Variants in NAA40 observed in about 807,000 individuals in gnomAD.
NAA40 encodes the protein N-alpha-acetyltransferase 40.
Under a neutral mutation model 36.6 loss-of-function variants are expected in NAA40, and 26 were observed. The observed-to-expected ratio is 0.71, with a 90% CI of 0.52 to 0.98. The LOEUF (loss-of-function observed/expected upper bound fraction) is 0.98, where lower values mean the gene tolerates loss of function less well. Among genes scored for constraint, NAA40 ranks in the 50% least tolerant of loss-of-function variants. The probability of loss-of-function intolerance (pLI) is 0.00; values close to 1 mark genes in which losing one functional copy is unlikely to be tolerated. For synonymous variants in NAA40, 129 were observed against 108.4 expected, an observed-to-expected ratio of 1.19 and a Z score of -1.18; for missense variants, 237 against 306.5, an observed-to-expected ratio of 0.77 and a Z score of 1.69.
At chr11:63,944,652 C>T (rs575319101) in intron 1 of NAA40, among the ~76,000 whole-genome samples, 58 of 152,226 alleles carry the variant, frequency 3.8e-4, no homozygotes, top group African/African-American at 1.3e-3. Context: ...CCTGTAATCC[C>T]AGCACTTTGT....
intron 3 of NAA40, 122 bp downstream of exon 3, chr11:63,947,125 G>T: frequency 2.8e-6 from 3 of 1,053,106 alleles, no homozygotes; most frequent in Non-Finnish European, 2.9e-6. Flanking sequence ...GAAAAAACAG[G>T]GCTGGGTGCG....
chr11:63,948,515 G>A (rs1942225107), intron 3 of NAA40, among the ~76,000 whole-genome samples: 1 of 151,474 alleles, frequency 6.6e-6, no homozygotes, highest in Non-Finnish European at 1.5e-5. Flanking sequence ...TCAGGAGATC[G>A]AGACCATCCT....
At chr11:63,951,046 C>T (rs1053688669) in intron 3 of NAA40, among the ~76,000 whole-genome samples, 10 of 152,104 alleles carry the variant, frequency 6.6e-5, no homozygotes, top group African/African-American at 2.2e-4. Flanking sequence ...GTTCTGAATT[C>T]ATAAGGCTGA....
intron 3 of NAA40, among the ~76,000 whole-genome samples, chr11:63,950,055 G>T (rs1382324437): frequency 1.3e-5 from 2 of 150,320 alleles, no homozygotes; most frequent in Non-Finnish European, 3.0e-5. Flanking sequence ...AACTTGGAAG[G>T]TTTTTTTTAA....
At chr11:63,953,891 A>C in intron 6 of NAA40, 81 bp from the exon 7 acceptor site, 1 of 1,270,696 alleles carries the variant, frequency 7.9e-7, no homozygotes, top group South Asian at 1.2e-5. Flanking sequence ...TTGCCCCTCA[A>C]AGTGCTGGGA....
At chr11:63,945,543 G>A (rs1258366661) in intron 1 of NAA40, among the ~76,000 whole-genome samples, 1 of 152,158 alleles carries the variant, frequency 6.6e-6, no homozygotes, top group Admixed American at 6.5e-5. Flanking sequence ...GCCTGCTGGG[G>A]GCTGGCCTGC....
At chr11:63,941,232 T>C (rs1159958239) in intron 1 of NAA40, among the ~76,000 whole-genome samples, 1 of 152,164 alleles carries the variant, frequency 6.6e-6, no homozygotes, top group African/African-American at 2.4e-5. Flanking sequence ...TGGAACCGTC[T>C]CATCACCCTC....
Position 63,952,318 on chromosome 11 carries a change from C to T in NAA40, c.236C>T (p.Thr79Met), listed in dbSNP as rs755598726. The T allele has an allele frequency of 1.1e-5, 18 of 1,613,742 alleles. 1 individual carries two copies. The South Asian group carries it at 1.3e-4, about 12-fold the overall frequency. Residue 79 changes from threonine (T) to methionine (M), a missense_variant, in exon 4 of 8, where the codon ACG (threonine) becomes ATG (methionine). Coordinates refer to ENST00000377793, the MANE Select transcript of NAA40 (RefSeq NM_024771.4). The stretch of plus-strand genomic sequence containing the variant: ...GATTGGGCCTTCGACCTGACCAAAA[C>T]GAATATGCAAACCATGTAAGCTTGT... ...TVDWAFDLTK[T>M]NMQTMYEQSE...
chr11:63,954,653 TCCTAGGAGA>T lies in NAA40; in HGVS notation c.*177_*185del. On this transcript the variant is annotated 3_prime_UTR_variant, in exon 8 of 8. Transcript: ENST00000377793. Reference sequence around the variant, plus strand: ...GAAGTGGTATCAGCTGCTCCTCCTCTCCTAGGAGACCAGAGTGCTAGAAGGGAATGAAAG... The same window carrying T: ...GAAGTGGTATCAGCTGCTCCTCCTCTCCAGAGTGCTAGAAGGGAATGAAAG... The T allele has an allele frequency of 1.7e-6, 1 of 581,788 alleles. No homozygotes were observed. The highest frequency in any genetic ancestry group is 2.7e-6 in the Non-Finnish European group (1 of 368,000). 36.0% of individuals were successfully genotyped at this position (581,788 alleles called of 1,614,324 possible).
intron 1 of NAA40, chr11:63,939,410 T>G: frequency 1.7e-6 from 2 of 1,152,228 alleles, no homozygotes; most frequent in Non-Finnish European, 1.1e-6. Context: ...ACCCTGGGGT[T>G]AGCTTCCCGC....
Position 63,957,129 on chromosome 11 carries a change from A to G in NAA40, c.*2650A>G, listed in dbSNP as rs1942379183. On this transcript the variant is annotated 3_prime_UTR_variant, in exon 8 of 8. Transcript: ENST00000377793. ...ATTTTTGTTGGTGTCAAGTATGTAT[A>G]GGACATGTGAATGGTTCTTTTTAAT... 6.6e-6 allele frequency: 1 copy of G among 151,292 alleles called. No individual in the cohort carries two copies. Among genetic ancestry groups the G allele is most frequent in the South Asian group, 2.1e-4 (1 of 4,820 alleles). 9.4% of individuals were successfully genotyped at this position (151,292 alleles called of 1,614,324 possible).
chr11:63,943,013 C>T (rs1400150086), intron 1 of NAA40, among the ~76,000 whole-genome samples: 1 of 152,146 alleles, frequency 6.6e-6, no homozygotes. Context: ...TTACCCTTGC[C>T]CTCCAGCACC....
chr11:63,947,415 A>G lies in NAA40; in HGVS notation c.155+412A>G, dbSNP rs552457341. Among the ~76,000 whole-genome samples the G allele has an allele frequency of 1.2e-3, 183 of 151,718 alleles. 2 individuals carry two copies. The highest frequency in any genetic ancestry group is 3.1e-4 in the Non-Finnish European group (21 of 67,990). ...AGAGTGAAACTCCATCTCAAAACAA[A>G]ACAAAACAAAACAAAACAAAAGCAG... On this transcript the variant is annotated intron_variant, in intron 3 of 7. Transcript: ENST00000377793.
intron 2 of NAA40, chr11:63,946,269 T>C: frequency 3.5e-6 from 1 of 283,406 alleles, no homozygotes; most frequent in Non-Finnish European, 6.8e-6. Flanking sequence ...GCAGTGGCAC[T>C]ATCTCGGCTC....
intron 1 of NAA40, among the ~76,000 whole-genome samples, chr11:63,945,526 A>G (rs1368931391): frequency 6.6e-6 from 1 of 152,056 alleles, no homozygotes; most frequent in East Asian, 1.9e-4. Context: ...GTGAATATTT[A>G]CTAAGTGCCT....
Position 63,957,191 on chromosome 11 carries a change from G to GATATATATAT in NAA40, c.*2725_*2734dup, listed in dbSNP as rs149120523. The GATATATATAT allele has an allele frequency of 7.4e-6, 1 of 135,124 alleles. No individual in the cohort carries two copies. Among genetic ancestry groups the GATATATATAT allele is most frequent in the African/African-American group, 2.7e-5 (1 of 36,854 alleles). 8.4% of individuals were successfully genotyped at this position (135,124 alleles called of 1,614,324 possible). ...AGGAAATTTGGAAGATAAACTCCTT[G>GATATATATAT]ATATATATATATATATATATATTTT... On this transcript the variant is annotated 3_prime_UTR_variant, in exon 8 of 8. Transcript: ENST00000377793.
intron 3 of NAA40, among the ~76,000 whole-genome samples, chr11:63,950,055 G>GT (rs1157050627): frequency 4.7e-5 from 7 of 150,432 alleles, no homozygotes; most frequent in African/African-American, 1.5e-4. Flanking sequence ...AACTTGGAAG[G>GT]TTTTTTTTAA....
chr11:63,953,903 T>TA lies in NAA40; in HGVS notation c.495-68dup, dbSNP rs1942320113. 4 of 1,395,806 alleles carry TA rather than the reference T, an allele frequency of 2.9e-6. No homozygotes were observed. The Admixed American group carries it at 6.8e-5, about 24-fold the overall frequency. 86.5% of individuals were successfully genotyped at this position (1,395,806 alleles called of 1,614,324 possible). On this transcript the variant is annotated intron_variant, in intron 6 of 7. Coordinates refer to ENST00000377793, the MANE Select transcript of NAA40 (RefSeq NM_024771.4). ...CCTTTGCCCCTCAAAGTGCTGGGAT[T>TA]ACAGGTGCATGCCACCATGCCTGGC...
At chr11:63,944,907 A>AAAC (rs1463944381) in intron 1 of NAA40, among the ~76,000 whole-genome samples, 5 of 151,110 alleles carry the variant, frequency 3.3e-5, no homozygotes, top group Non-Finnish European at 5.9e-5. Flanking sequence ...CATCTCAAAA[A>AAAC]AAAAAAAAAA....
Sources: allele counts gnomAD v4.1 joint callset (sites outside exome capture counted in the v4.1 genomes callset), GRCh38; gene constraint gnomAD v4.1.1; transcripts MANE v1.5; gene names NCBI Gene and HGNC (gene_info 2026-07-23, HGNC 2026-07-21).